The following TMEM132C variants were observed in gnomAD, a reference collection of about 807,000 sequenced individuals.
TMEM132C encodes protein phosphatase 1, regulatory subunit 152.
Under a neutral mutation model 61.4 loss-of-function variants are expected in TMEM132C, and 29 were observed. The observed-to-expected ratio is 0.47, with a 90% CI of 0.35 to 0.64. The LOEUF (loss-of-function observed/expected upper bound fraction) is 0.64. TMEM132C is among the 30% of genes least tolerant of loss of function. The probability of loss-of-function intolerance (pLI) is 0.00; values close to 1 mark genes in which losing one functional copy is unlikely to be tolerated. For missense variants in TMEM132C, 1,408 were observed against 1,476.9 expected (o/e 0.95, Z 0.76); for synonymous variants, 656 against 633.1 (o/e 1.04, Z -0.54).
intron 3 of TMEM132C, among the ~76,000 whole-genome samples, chr12:128,550,270 C>G (rs530790302): frequency 1.1e-4 from 17 of 151,590 alleles, no homozygotes; most frequent in African/African-American, 3.9e-4. Flanking sequence ...GGCCTTTCCT[C>G]TGTGCATGGA....
intron 2 of TMEM132C, among the ~76,000 whole-genome samples, chr12:128,488,396 C>T (rs945137346): frequency 1.3e-5 from 2 of 152,200 alleles, no homozygotes; most frequent in African/African-American, 2.4e-5. Context: ...TGTGGTGGCT[C>T]ACACCTGTAA....
chr12:128,400,342 C>T (rs1875109934), intron 1 of TMEM132C, among the ~76,000 whole-genome samples: 1 of 152,206 alleles, frequency 6.6e-6, no homozygotes, highest in African/African-American at 2.4e-5. Flanking sequence ...GACTGGCTCA[C>T]TCATTGGCCC....
chr12:128,657,540 A>G (rs1352219205), intron 4 of TMEM132C, among the ~76,000 whole-genome samples: 1 of 152,066 alleles, frequency 6.6e-6, no homozygotes, highest in African/African-American at 2.4e-5. Flanking sequence ...GGATCCTGCC[A>G]TGGGGTGATG....
intron 1 of TMEM132C, among the ~76,000 whole-genome samples, chr12:128,308,224 G>T (rs1871847768): frequency 6.6e-6 from 1 of 152,186 alleles, no homozygotes; most frequent in South Asian, 2.1e-4. Context: ...TTGGGACCCA[G>T]ATCTTTCCCT....
At position 128,469,845 on chromosome 12, in the gene TMEM132C, CCT is replaced by C. The variant is rs112818278; in HGVS notation, c.974+54226_974+54227del. Among the ~76,000 whole-genome samples, 26 of 151,072 alleles carry C rather than the reference CCT, an allele frequency of 1.7e-4. 1 individual carries two copies. Among genetic ancestry groups the C allele is most frequent in the East Asian group, 7.8e-4 (4 of 5,120 alleles). On this transcript the variant is annotated intron_variant, in intron 2 of 8. Transcript: ENST00000435159. ...ACGTGCATTTATATACATAAATGTA[CCT>C]GTGTGTATATACACACACCCACATA...
chr12:128,553,727 A>G (rs577671851), intron 3 of TMEM132C, among the ~76,000 whole-genome samples: 1 of 152,146 alleles, frequency 6.6e-6, no homozygotes, highest in Non-Finnish European at 1.5e-5. Flanking sequence ...AGCTGCTGTG[A>G]GGGATTTCTA....
intron 2 of TMEM132C, among the ~76,000 whole-genome samples, chr12:128,425,648 C>A (rs1463635581): frequency 6.6e-6 from 1 of 152,196 alleles, no homozygotes; most frequent in Non-Finnish European, 1.5e-5. Context: ...GATGAGGGTG[C>A]CAGCAAGGCC....
At chr12:128,350,235 C>G (rs550482912) in intron 1 of TMEM132C, among the ~76,000 whole-genome samples, 6 of 151,898 alleles carry the variant, frequency 4.0e-5, no homozygotes, top group Non-Finnish European at 7.4e-5. Flanking sequence ...GCTGAGGGTA[C>G]AAGAGAGGGG....
Position 128,697,336 on chromosome 12 carries a change from C to T in TMEM132C, c.2042C>T (p.Ala681Val), listed in dbSNP as rs1458990337. 6.4e-7 allele frequency: 1 copy of T among 1,551,208 alleles called. No individual in the cohort carries two copies. ...AIQLVAGLSV[A>V]LYPNAENSKA... ...CAGCTCGTGGCTGGGCTGTCTGTCG[C>T]CCTTTACCCCAACGCAGAAAACAGC... Residue 681 changes from alanine (A) to valine (V), a missense_variant, in exon 8 of 9, where the codon GCC becomes GTC. Physicochemically the swap from Ala to Val is moderately conservative, Grantham distance 64. Coordinates refer to ENST00000435159, the MANE Select transcript of TMEM132C (RefSeq NM_001136103.3).
chr12:128,395,133 AATT>A (rs747763647), intron 1 of TMEM132C, among the ~76,000 whole-genome samples: 2 of 151,098 alleles, frequency 1.3e-5, no homozygotes, highest in East Asian at 1.9e-4. Context: ...ATTGTAACAT[AATT>A]ATTATATTAA....
chr12:128,661,559 TAAA>T (rs55750879), intron 4 of TMEM132C, among the ~76,000 whole-genome samples: 15 of 131,896 alleles, frequency 1.1e-4, no homozygotes, highest in East Asian at 4.5e-4. Flanking sequence ...GAGAAGATGC[TAAA>T]AAAAAAAAAA....
intron 1 of TMEM132C, among the ~76,000 whole-genome samples, chr12:128,386,944 C>T (rs1040761172): frequency 2.6e-5 from 4 of 151,834 alleles, no homozygotes; most frequent in Admixed American, 6.6e-5. Context: ...ACCCGGGCAA[C>T]GTAGTGAGAC....
chr12:128,610,301 A>C (rs1408473571), intron 3 of TMEM132C, among the ~76,000 whole-genome samples: 1 of 152,134 alleles, frequency 6.6e-6, no homozygotes, highest in Non-Finnish European at 1.5e-5. Flanking sequence ...CTGTCAACCA[A>C]CTTTGGAGCT....
rs188100572 is a variant in TMEM132C at position 128,457,746 on chromosome 12, C to G, written c.974+42126C>G. Among the ~76,000 whole-genome samples the G allele has an allele frequency of 2.8e-4, 42 of 152,056 alleles. No homozygotes were observed. The East Asian group carries it at 6.6e-3, about 24-fold the overall frequency. On this transcript the variant is annotated intron_variant, in intron 2 of 8. Coordinates refer to ENST00000435159, the MANE Select transcript of TMEM132C (RefSeq NM_001136103.3). ...GGTCATACAGCCAAACTTCAAAGGTCCAAGAGAAATGGGCCAAGTTTAAGA... is the reference window on the plus strand; with the variant it reads ...GGTCATACAGCCAAACTTCAAAGGTGCAAGAGAAATGGGCCAAGTTTAAGA...
rs12313505 is a variant in TMEM132C at position 128,468,021 on chromosome 12, A to G, written c.974+52401A>G. Among the ~76,000 whole-genome samples, 613 of 152,240 alleles carry G rather than the reference A, an allele frequency of 4.0e-3. 4 individuals carry two copies. The highest frequency in any genetic ancestry group is 0.014 in the African/African-American group (581 of 41,542). ...TGTGCAAGGACATCACTTGGAGGGGATGGGGAATCCGGCACCATAGGGAGT... is the reference window on the plus strand; with the variant it reads ...TGTGCAAGGACATCACTTGGAGGGGGTGGGGAATCCGGCACCATAGGGAGT... On this transcript the variant is annotated intron_variant, in intron 2 of 8. Coordinates refer to ENST00000435159, the MANE Select transcript of TMEM132C (RefSeq NM_001136103.3).
intron 1 of TMEM132C, among the ~76,000 whole-genome samples, chr12:128,412,001 A>C (rs1459284355): frequency 6.6e-6 from 1 of 152,198 alleles, no homozygotes; most frequent in African/African-American, 2.4e-5. Context: ...GCTAATTCGT[A>C]CTTTTGTCCA....
At chr12:128,401,481 G>A (rs1565925139) in intron 1 of TMEM132C, among the ~76,000 whole-genome samples, 1 of 152,168 alleles carries the variant, frequency 6.6e-6, no homozygotes, top group Non-Finnish European at 1.5e-5. Flanking sequence ...GTCACCATGG[G>A]TGTGTCAGCC....
At chr12:128,682,260 A>G (rs888475031) in intron 5 of TMEM132C, among the ~76,000 whole-genome samples, 2 of 152,158 alleles carry the variant, frequency 1.3e-5, no homozygotes, top group Admixed American at 1.3e-4. Flanking sequence ...AGGGAGCTCC[A>G]TGGGATGACA....
intron 4 of TMEM132C, among the ~76,000 whole-genome samples, chr12:128,618,008 A>C (rs187850792): frequency 3.3e-5 from 5 of 152,174 alleles, no homozygotes; most frequent in Non-Finnish European, 5.9e-5. Context: ...AAATATCTAC[A>C]TTTTTAAATG....
Sources: allele counts gnomAD v4.1 joint callset (sites outside exome capture counted in the v4.1 genomes callset), GRCh38; gene constraint gnomAD v4.1.1; transcripts MANE v1.5; gene names NCBI Gene and HGNC (gene_info 2026-07-23, HGNC 2026-07-21).